Variants in ECHDC3 observed in about 807,000 individuals in gnomAD.
ECHDC3 encodes the protein enoyl-CoA hydratase domain containing 3.
Under a neutral mutation model 17.9 loss-of-function variants are expected in ECHDC3, and 20 were observed. That is an observed-to-expected ratio of 1.12 (90% CI 0.79 to 1.63). ECHDC3 has a LOEUF of 1.63. Ranked by LOEUF, ECHDC3 falls within the 40% of genes most tolerant of loss-of-function variation. The pLI, the probability that ECHDC3 is intolerant of heterozygous loss-of-function variation, is 0.00. For synonymous variants in ECHDC3, 177 were observed against 149.7 expected (o/e 1.18, Z -1.33); for missense variants, 407 against 357.7 (o/e 1.14, Z -1.11).
Position 11,763,595 on chromosome 10 carries a change from C to T in ECHDC3, c.*51C>T. 1 of 1,444,622 alleles carries T rather than the reference C, an allele frequency of 6.9e-7. No homozygotes were observed. The highest frequency in any genetic ancestry group is 9.1e-7 in the Non-Finnish European group (1 of 1,102,442). 89.5% of individuals were successfully genotyped at this position (1,444,622 alleles called of 1,614,324 possible). A position where few individuals can be genotyped will look rare whatever the true frequency, so the allele number is the denominator to read the frequency against. On this transcript the variant is annotated 3_prime_UTR_variant, in exon 5 of 5. Coordinates refer to ENST00000379215, the MANE Select transcript of ECHDC3 (RefSeq NM_024693.5). The surrounding 1 kb of genome is among the most constrained non-coding windows in gnomAD (Gnocchi z 4.9). The stretch of plus-strand genomic sequence containing the variant: ...GGGCAGCGCCCAGGAGCCCACCTTC[C>T]CCTCTGGCCCAGCCACCACTGCCTC...
Position 11,763,116 on chromosome 10 carries a change from C to G in ECHDC3, c.592-108C>G. ...AGGGCACTGAAGACGTCAGGGCTGG[C>G]GGATGACGTGGTATTTGAGGAAGCA... is the stretch of plus-strand genomic sequence containing the variant. On this transcript the variant is annotated intron_variant, in intron 4 of 4. Transcript: ENST00000379215. The surrounding 1 kb of genome is among the most constrained non-coding windows in gnomAD (Gnocchi z 4.9). 1 of 626,544 alleles carries G rather than the reference C, an allele frequency of 1.6e-6. No individual in the cohort carries two copies. The highest frequency in any genetic ancestry group is 2.9e-6 in the Non-Finnish European group (1 of 345,712). The allele number at this position is 626,544 out of a possible 1,614,324, so 38.8% of individuals were successfully genotyped here.
At position 11,742,523 on chromosome 10, in the gene ECHDC3, A is replaced by ACCTGCGGCCGGCCAGGCAGCGCGAT; in HGVS notation, c.-45_-21dup. On this transcript the variant is annotated 5_prime_UTR_variant, in exon 1 of 5. Coordinates refer to ENST00000379215, the MANE Select transcript of ECHDC3 (RefSeq NM_024693.5). Reference sequence around the variant, plus strand: ...CAGCAGCGCCCTCGGAGCGCCCAGCACCTGCGGCCGGCCAGGCAGCGCGAT... The same window carrying ACCTGCGGCCGGCCAGGCAGCGCGAT: ...CAGCAGCGCCCTCGGAGCGCCCAGCACCTGCGGCCGGCCAGGCAGCGCGATCCTGCGGCCGGCCAGGCAGCGCGAT... The ACCTGCGGCCGGCCAGGCAGCGCGAT allele has an allele frequency of 1.6e-6, 2 of 1,253,054 alleles. No homozygotes were observed. The highest frequency in any genetic ancestry group is 2.0e-6 in the Non-Finnish European group (2 of 998,220). 77.6% of individuals were successfully genotyped at this position (1,253,054 alleles called of 1,614,324 possible).
chr10:11,750,930 G>C (rs1832815872), intron 3 of ECHDC3, among the ~76,000 whole-genome samples: 1 of 152,144 alleles, frequency 6.6e-6, no homozygotes, highest in Non-Finnish European at 1.5e-5. Context: ...CCCATAAAGA[G>C]ATCAGGTTAT....
At chr10:11,748,228 CT>C (rs34875008) in intron 2 of ECHDC3, among the ~76,000 whole-genome samples, 30 of 150,486 alleles carry the variant, frequency 2.0e-4, no homozygotes, top group South Asian at 1.5e-3. Context: ...TTAACGTCTT[CT>C]TTTTTTTTTT....
At chr10:11,749,452 T>A (rs1417223825) in intron 2 of ECHDC3, 43 bp from the exon 3 acceptor site, 1 of 1,605,862 alleles carries the variant, frequency 6.2e-7, no homozygotes, top group East Asian at 2.2e-5. Flanking sequence ...CTCTGGGTGT[T>A]TACATCTTTT....
chr10:11,744,873 A>G (rs1359250491), intron 1 of ECHDC3, among the ~76,000 whole-genome samples: 4 of 152,206 alleles, frequency 2.6e-5, no homozygotes, highest in African/African-American at 7.2e-5. Context: ...AGACATCGGG[A>G]TGAACGCGTG....
At chr10:11,758,530 C>T (rs982166439) in intron 4 of ECHDC3, among the ~76,000 whole-genome samples, 4 of 152,234 alleles carry the variant, frequency 2.6e-5, no homozygotes, top group African/African-American at 9.6e-5. Flanking sequence ...TGTTAGAGAG[C>T]CTGGGAGAAA....
rs375477011 is a variant in ECHDC3, at chr10:11,746,692, T to C, written c.171-657T>C. On this transcript the variant is annotated intron_variant, in intron 1 of 4. Coordinates refer to ENST00000379215, the MANE Select transcript of ECHDC3 (RefSeq NM_024693.5). ...GGCTCATGCCTATAATCTCAAAACT[T>C]TGGGAGGCTGAGGCAAGCGGATCAC... is the stretch of plus-strand genomic sequence containing the variant. Among the ~76,000 whole-genome samples the C allele has an allele frequency of 7.9e-5, 12 of 152,162 alleles. No homozygotes were observed. In the East Asian group the frequency reaches 2.3e-3, roughly 29 times the overall value.
chr10:11,757,904 G>A (rs1832901196), intron 4 of ECHDC3, among the ~76,000 whole-genome samples: 1 of 152,156 alleles, frequency 6.6e-6, no homozygotes, highest in African/African-American at 2.4e-5. Flanking sequence ...CAAACCACCT[G>A]CCCGTTGTCT....
intron 3 of ECHDC3, 74 bp downstream of exon 3, chr10:11,749,666 C>A (rs2133789105): frequency 6.8e-7 from 1 of 1,460,072 alleles, no homozygotes; most frequent in South Asian, 1.2e-5. Context: ...CGCCTTCGAC[C>A]TTACAGATAA....
chr10:11,746,896 G>A (rs1186775993), intron 1 of ECHDC3, among the ~76,000 whole-genome samples: 1 of 152,128 alleles, frequency 6.6e-6, no homozygotes, highest in Admixed American at 6.6e-5. Flanking sequence ...GATCTATAGA[G>A]GGAGTTATTT....
chr10:11,748,264 G>A (rs542132319), intron 2 of ECHDC3, among the ~76,000 whole-genome samples: 1 of 151,684 alleles, frequency 6.6e-6, no homozygotes, highest in East Asian at 1.9e-4. Flanking sequence ...GTCTTGCCCT[G>A]TTGCCCAGGC....
chr10:11,750,490 C>T (rs1033932395), intron 3 of ECHDC3, among the ~76,000 whole-genome samples: 6 of 152,064 alleles, frequency 3.9e-5, no homozygotes, highest in African/African-American at 9.7e-5. Context: ...GGAAAAATAC[C>T]GACAGCCACA....
Position 11,742,415 on chromosome 10 carries a change from C to G in ECHDC3, c.-162C>G, listed in dbSNP as rs1174616575. On this transcript the variant is annotated 5_prime_UTR_variant, in exon 1 of 5. Transcript: ENST00000379215. ...GACTGGGCCTGGCCTGGGGCGTCCC[C>G]GCGAAGCCTGGGCCTGTCAGGCGGT... 8 of 574,702 alleles carry G rather than the reference C, an allele frequency of 1.4e-5. No homozygotes were observed. The East Asian group carries it at 2.9e-4, about 21-fold the overall frequency. 35.6% of individuals were successfully genotyped at this position (574,702 alleles called of 1,614,324 possible).
chr10:11,760,541 C>T (rs1490112941), intron 4 of ECHDC3, among the ~76,000 whole-genome samples: 1 of 152,234 alleles, frequency 6.6e-6, no homozygotes, highest in Non-Finnish European at 1.5e-5. Flanking sequence ...AGGACTTGAT[C>T]ATTGCAAGTG....
At chr10:11,746,094 G>A (rs1235386979) in intron 1 of ECHDC3, among the ~76,000 whole-genome samples, 1 of 152,174 alleles carries the variant, frequency 6.6e-6, no homozygotes, top group Non-Finnish European at 1.5e-5. Context: ...TTGGGAGGCT[G>A]AGGCGGGTGT....
At chr10:11,756,410 T>C (rs1221651686) in intron 4 of ECHDC3, among the ~76,000 whole-genome samples, 2 of 152,256 alleles carry the variant, frequency 1.3e-5, no homozygotes, top group African/African-American at 2.4e-5. Flanking sequence ...TAAATTGCTT[T>C]CTAATGTATA....
In ECHDC3 at chr10:11,763,398, T is replaced by C; in HGVS notation, c.766T>C (p.Tyr256His). ...GGTGTCCCTGGGCAAAGCCACCTTC[T>C]ACAAGCAGCTGCCCCAGGACCTGGG... The part of the protein sequence containing the change: ...PVVSLGKATF[Y>H]KQLPQDLGTA... Residue 256 changes from tyrosine to histidine, a missense_variant, in exon 5 of 5, where the codon TAC becomes CAC. Tyr to His is a moderately conservative substitution (Grantham distance 83, BLOSUM62 2). Transcript: ENST00000379215. The surrounding 1 kb of genome is among the most constrained non-coding windows in gnomAD (Gnocchi z 4.9). 1 of 784,630 alleles carries C rather than the reference T, an allele frequency of 1.3e-6. No individual in the cohort carries two copies. Among genetic ancestry groups the C allele is most frequent in the Non-Finnish European group, 2.3e-6 (1 of 425,746 alleles). The allele number at this position is 784,630 out of a possible 1,614,324, so 48.6% of individuals were successfully genotyped here.
Position 11,763,271 on chromosome 10 carries a change from G to A in ECHDC3, c.639G>A (p.Glu213=), listed in dbSNP as rs1457837570. ...LFTGEPISAQ[E]ALLHGLLSKV... ...CTGGTGAGCCCATTTCTGCCCAGGA[G>A]GCCCTGCTCCACGGGCTGCTTAGCA... is the stretch of plus-strand genomic sequence containing the variant. Residue 213 remains glutamate (E), a synonymous_variant, in exon 5 of 5, where the codon GAG becomes GAA. Transcript: ENST00000379215. The surrounding 1 kb of genome is among the most constrained non-coding windows in gnomAD (Gnocchi z 4.9). 2 of 780,202 alleles carry A rather than the reference G, an allele frequency of 2.6e-6. No homozygotes were observed. The highest frequency in any genetic ancestry group is 1.7e-5 in the Admixed American group (1 of 59,006). The allele number at this position is 780,202 out of a possible 1,614,324, so 48.3% of individuals were successfully genotyped here. A position where few individuals can be genotyped will look rare whatever the true frequency, so the allele number is the denominator to read the frequency against.
Sources: allele counts gnomAD v4.1 joint callset (sites outside exome capture counted in the v4.1 genomes callset), GRCh38; gene constraint gnomAD v4.1.1; non-coding constraint Gnocchi (gnomAD v3.1); transcripts MANE v1.5; gene names NCBI Gene and HGNC (gene_info 2026-07-23, HGNC 2026-07-21).